SCEL: variants seen among roughly 807,000 people sequenced by gnomAD.
SCEL encodes sciellin.
SCEL carries 113 observed loss-of-function variants against 117.6 expected under a neutral mutation model. The ratio of observed to expected loss-of-function variants is 0.96; its 90% CI spans 0.83 to 1.12. The LOEUF (loss-of-function observed/expected upper bound fraction) is 1.12, where lower values mean the gene tolerates loss of function less well. Ranked by LOEUF, SCEL falls within the 50% of genes most tolerant of loss-of-function variation. The pLI, the probability that SCEL is intolerant of heterozygous loss-of-function variation, is 0.00. For missense variants in SCEL, 785 were observed against 810.8 expected (o/e 0.97, Z 0.39); for synonymous variants, 270 against 256.2 (o/e 1.05, Z -0.51).
intron 1 of SCEL, among the ~76,000 whole-genome samples, chr13:77,546,810 G>A (rs1015590871): frequency 6.6e-6 from 1 of 152,080 alleles, no homozygotes; most frequent in African/African-American, 2.4e-5. Flanking sequence ...TCAAGGAACC[G>A]GGTCCCTTCT....
intron 30 of SCEL, 56 bp downstream of exon 30, chr13:77,637,250 A>G (rs2090324131): frequency 2.3e-5 from 11 of 479,934 alleles, no homozygotes; most frequent in Non-Finnish European, 3.5e-5. Context: ...ACACACACAC[A>G]CATATATATA....
intron 8 of SCEL, among the ~76,000 whole-genome samples, chr13:77,571,662 C>T (rs1010398040): frequency 1.3e-5 from 2 of 150,890 alleles, no homozygotes; most frequent in East Asian, 1.9e-4. Context: ...ACACTCCGGC[C>T]TGGGCAACAA....
At chr13:77,591,316 A>AT (rs1276538856) in intron 10 of SCEL, 79 bp from the exon 11 acceptor site, 2 of 884,688 alleles carry the variant, frequency 2.3e-6, no homozygotes, top group Non-Finnish European at 1.8e-6. Context: ...TTGTACATAA[A>AT]TTTTTTAAAA....
chr13:77,570,710 A>G (rs1365504746), intron 8 of SCEL, among the ~76,000 whole-genome samples: 1 of 152,168 alleles, frequency 6.6e-6, no homozygotes, highest in Non-Finnish European at 1.5e-5. Context: ...TCTGCTTAGC[A>G]ATTGCTACCA....
intron 30 of SCEL, among the ~76,000 whole-genome samples, chr13:77,639,243 T>C (rs1354409075): frequency 6.6e-6 from 1 of 152,210 alleles, no homozygotes; most frequent in African/African-American, 2.4e-5. Context: ...AATTTAAGTG[T>C]ATGCATACAT....
rs1310717630 is a variant in SCEL at position 77,599,464 on chromosome 13, A to G, written c.857+76A>G. On this transcript the variant is annotated intron_variant, in intron 14 of 32. Coordinates refer to ENST00000349847, the MANE Select transcript of SCEL (RefSeq NM_144777.3). ...CTTATTCCCTCAGACATTAGCTGCA[A>G]GGGGGTTGTATCCTCTGGCATGGAA... is the stretch of plus-strand genomic sequence containing the variant. The G allele has an allele frequency of 1.2e-5, 15 of 1,242,598 alleles. No homozygotes were observed. The East Asian group carries it at 3.1e-4, about 25-fold the overall frequency. 77.0% of individuals were successfully genotyped at this position (1,242,598 alleles called of 1,614,324 possible).
intron 28 of SCEL, among the ~76,000 whole-genome samples, chr13:77,631,453 A>G (rs997790602): frequency 1.3e-5 from 2 of 152,312 alleles, no homozygotes; most frequent in East Asian, 1.9e-4. Context: ...AAAGTCACCA[A>G]TGTAAAAACC....
At chr13:77,569,519 C>T (rs1406939377) in intron 8 of SCEL, 68 bp downstream of exon 8, 1 of 1,254,020 alleles carries the variant, frequency 8.0e-7, no homozygotes, top group African/African-American at 1.5e-5. Flanking sequence ...AAAGCTTCCT[C>T]CTCTTTTTTG....
chr13:77,641,704 TG>T (rs1482212113), intron 31 of SCEL, among the ~76,000 whole-genome samples: 1 of 152,176 alleles, frequency 6.6e-6, no homozygotes, highest in Non-Finnish European at 1.5e-5. Context: ...GCCAAATATA[TG>T]GTTTCTTTCT....
chr13:77,638,350 C>A (rs2090403517), intron 30 of SCEL, among the ~76,000 whole-genome samples: 1 of 152,132 alleles, frequency 6.6e-6, no homozygotes, highest in Non-Finnish European at 1.5e-5. Flanking sequence ...AGCATTAGAA[C>A]TACAGATATC....
chr13:77,558,117 C>G (rs183418191), intron 3 of SCEL, among the ~76,000 whole-genome samples: 121 of 152,228 alleles, frequency 7.9e-4, no homozygotes, highest in Non-Finnish European at 1.6e-3. Context: ...ACATGTAGAC[C>G]ATACATTTTG....
chr13:77,567,704 T>C lies in SCEL; in HGVS notation c.315T>C (p.Ala105=), dbSNP rs1377498582. The change falls in exon 6 of 33, where the codon GCT becomes GCC. Residue 105 remains alanine, a synonymous_variant. Transcript: ENST00000349847. ...LDRISDRNDA[A]KTYKANTLDN... ...GGATCTCAGACAGAAATGATGCTGC[T>C]AAAACATATAAGGCCAATACCTTGG... 3.1e-6 allele frequency: 5 copies of C among 1,608,830 alleles called. No individual in the cohort carries two copies. Among genetic ancestry groups the C allele is most frequent in the Admixed American group, 1.7e-5 (1 of 59,052 alleles).
At chr13:77,551,489 T>G (rs2154395150) in intron 1 of SCEL, among the ~76,000 whole-genome samples, 1 of 152,304 alleles carries the variant, frequency 6.6e-6, no homozygotes, top group African/African-American at 2.4e-5. Flanking sequence ...AATCATTGTC[T>G]CACAGTTGTG....
At chr13:77,603,197 A>T in intron 18 of SCEL, 62 bp downstream of exon 18, 1 of 1,128,572 alleles carries the variant, frequency 8.9e-7, no homozygotes, top group Non-Finnish European at 1.3e-6. Context: ...AGATAAAATA[A>T]TTTGGCTTTT....
At chr13:77,631,312 A>AT (rs1023142550) in intron 28 of SCEL, among the ~76,000 whole-genome samples, 5 of 152,222 alleles carry the variant, frequency 3.3e-5, no homozygotes, top group Admixed American at 1.3e-4. Flanking sequence ...ATGAAGATAC[A>AT]TTTTTTGTTG....
chr13:77,550,876 C>T (rs572940890), intron 1 of SCEL, among the ~76,000 whole-genome samples: 2 of 152,308 alleles, frequency 1.3e-5, no homozygotes, highest in East Asian at 1.9e-4. Context: ...TTGGGGAATA[C>T]ACAGAGAAGG....
intron 1 of SCEL, among the ~76,000 whole-genome samples, chr13:77,550,264 T>A (rs1047343654): frequency 4.0e-5 from 6 of 151,714 alleles, no homozygotes; most frequent in African/African-American, 1.5e-4. Flanking sequence ...CACACACCTG[T>A]AGTCCAAGCT....
chr13:77,564,304 A>AT lies in SCEL; in HGVS notation c.290+409dup, dbSNP rs765561650. 5.3e-5 allele frequency among the ~76,000 whole-genome samples: 8 copies of AT among 152,100 alleles called. No individual in the cohort carries two copies. In the East Asian group the frequency reaches 1.2e-3, roughly 22 times the overall value. The stretch of plus-strand genomic sequence containing the variant: ...CAACTGCTTTATGGAGAGACTGTAA[A>AT]TTTTAATAATACAATAGTTTCAATC... On this transcript the variant is annotated intron_variant, in intron 5 of 32. Transcript: ENST00000349847.
intron 9 of SCEL, among the ~76,000 whole-genome samples, chr13:77,587,745 A>G (rs930449304): frequency 6.6e-6 from 1 of 151,626 alleles, no homozygotes; most frequent in African/African-American, 2.4e-5. Context: ...CTTCTTGGCC[A>G]CTCCTCCTGA....
Sources: allele counts gnomAD v4.1 joint callset (sites outside exome capture counted in the v4.1 genomes callset), GRCh38; gene constraint gnomAD v4.1.1; transcripts MANE v1.5; gene names NCBI Gene and HGNC (gene_info 2026-07-23, HGNC 2026-07-21).